Variants in HSD17B12 observed in about 807,000 individuals in gnomAD.
HSD17B12 encodes very-long-chain 3-oxoacyl-CoA reductase.
In HSD17B12, 32 loss-of-function variants were observed where a neutral mutation model predicts 39.3. That is an observed-to-expected ratio of 0.81 (90% CI 0.61 to 1.09). The LOEUF (loss-of-function observed/expected upper bound fraction) is 1.09, where lower values mean the gene tolerates loss of function less well. Ranked by LOEUF, HSD17B12 falls within the 50% of genes least tolerant of loss-of-function variation. The pLI, the probability that HSD17B12 is intolerant of heterozygous loss-of-function variation, is 0.00. For missense variants in HSD17B12, 342 were observed against 382.9 expected (o/e 0.89, Z 0.89); for synonymous variants, 150 against 146.7 (o/e 1.02, Z -0.16).
chr11:43,810,400 TATAA>T (rs1372949344), intron 4 of HSD17B12, among the ~76,000 whole-genome samples: 1,402 of 76,630 alleles, frequency 0.018, 12 homozygotes, highest in Middle Eastern at 0.06. Flanking sequence ...TATATATATA[TATAA>T]AATTCAGAAT....
the HSD17B12 span, among the ~76,000 whole-genome samples, chr11:43,667,255 G>A: frequency 2.6e-5 from 4 of 152,102 alleles, no homozygotes; most frequent in Admixed American, 6.6e-5. Context: ...AGGTTCAAGC[G>A]ATTCTCCTGC....
the HSD17B12 span, among the ~76,000 whole-genome samples, chr11:43,582,980 C>T: frequency 6.6e-6 from 1 of 152,206 alleles, no homozygotes; most frequent in Non-Finnish European, 1.5e-5. Context: ...CTGGGGCCGT[C>T]TGTGGAGCGA....
chr11:43,731,184 A>T (rs1311390352), intron 1 of HSD17B12, among the ~76,000 whole-genome samples: 1 of 152,080 alleles, frequency 6.6e-6, no homozygotes, highest in Non-Finnish European at 1.5e-5. Flanking sequence ...TTTAGTTGAG[A>T]CGGGGTTTCA....
At chr11:43,741,786 T>A (rs1950367168) in intron 1 of HSD17B12, among the ~76,000 whole-genome samples, 1 of 148,322 alleles carries the variant, frequency 6.7e-6, no homozygotes, top group African/African-American at 2.5e-5. Flanking sequence ...CAGGCTGGAA[T>A]GCAGTGGCGC....
intron 1 of HSD17B12, among the ~76,000 whole-genome samples, chr11:43,699,857 C>A (rs1357413906): frequency 1.3e-5 from 2 of 152,116 alleles, no homozygotes; most frequent in Non-Finnish European, 2.9e-5. Context: ...GACAAACAGG[C>A]ATATGAAAAA....
At chr11:43,599,036 A>G in the HSD17B12 span, among the ~76,000 whole-genome samples, 1 of 152,244 alleles carries the variant, frequency 6.6e-6, no homozygotes, top group African/African-American at 2.4e-5. Flanking sequence ...GGAGTTAAAT[A>G]GAATCTGTCT....
At chr11:43,735,474 G>A (rs1358295771) in intron 1 of HSD17B12, among the ~76,000 whole-genome samples, 1 of 152,156 alleles carries the variant, frequency 6.6e-6, no homozygotes, top group Admixed American at 6.5e-5. Flanking sequence ...GTGTGTCACT[G>A]TAGTTTTGAT....
chr11:43,719,057 A>G, intron 1 of HSD17B12: 1 of 807,356 alleles, frequency 1.2e-6, no homozygotes. Flanking sequence ...CAACACCCTG[A>G]TTCAGCCTGA....
At chr11:43,606,470 T>C in the HSD17B12 span, among the ~76,000 whole-genome samples, 4 of 152,362 alleles carry the variant, frequency 2.6e-5, no homozygotes, top group Admixed American at 2.0e-4. Context: ...ACAATCATCC[T>C]ACCTGTCTAT....
At chr11:43,619,230 T>TATG in the HSD17B12 span, among the ~76,000 whole-genome samples, 2 of 18,922 alleles carry the variant, frequency 1.1e-4, no homozygotes, top group East Asian at 1.8e-3. Flanking sequence ...ATATATATGA[T>TATG]ATATATATAT....
chr11:43,682,019 G>A (rs767386306), intron 1 of HSD17B12, among the ~76,000 whole-genome samples: 1 of 152,066 alleles, frequency 6.6e-6, no homozygotes, highest in Non-Finnish European at 1.5e-5. Context: ...GAATTTTGGG[G>A]TGGTTAGGCA....
At chr11:43,806,513 A>T (rs1345447208) in intron 4 of HSD17B12, 1 of 152,222 alleles carries the variant, frequency 6.6e-6, no homozygotes, top group Non-Finnish European at 1.5e-5. Context: ...GCCATTAAAA[A>T]AAAAACCTGG....
chr11:43,805,214 G>C (rs1434260909), intron 4 of HSD17B12, among the ~76,000 whole-genome samples: 1 of 152,162 alleles, frequency 6.6e-6, no homozygotes, highest in East Asian at 1.9e-4. Flanking sequence ...TGTTCTCAAT[G>C]TTATAAATAG....
Position 43,798,292 on chromosome 11 carries a change from T to A in HSD17B12, c.284-28T>A, listed in dbSNP as rs1950932604. 5.1e-6 allele frequency: 7 copies of A among 1,364,240 alleles called. No individual in the cohort carries two copies. In the African/African-American group the frequency reaches 7.2e-5, roughly 14 times the overall value. The allele number at this position is 1,364,240 out of a possible 1,614,324, so 84.5% of individuals were successfully genotyped here. On this transcript the variant is annotated intron_variant, in intron 3 of 10. Transcript: ENST00000278353. ...GCCATGTACTAATTTTCCCTGTCTC[T>A]CCCCGTTTGTGTTTTCTTTTTCCCT... is the stretch of plus-strand genomic sequence containing the variant.
the HSD17B12 span, among the ~76,000 whole-genome samples, chr11:43,662,377 TTGTGTGTG>T: frequency 5.2e-4 from 67 of 128,522 alleles, no homozygotes; most frequent in East Asian, 1.2e-3. Flanking sequence ...TTTATTTTAT[TTGTGTGTG>T]TGTGTGTGTG....
the HSD17B12 span, among the ~76,000 whole-genome samples, chr11:43,653,183 G>T: frequency 6.6e-6 from 1 of 152,104 alleles, no homozygotes; most frequent in African/African-American, 2.4e-5. Flanking sequence ...TATAACAAAA[G>T]ACTATAACAA....
rs558560591 is a variant in HSD17B12, at chr11:43,809,625, C to T, written c.392-5812C>T. On this transcript the variant is annotated intron_variant, in intron 4 of 10. Coordinates refer to ENST00000278353, the MANE Select transcript of HSD17B12 (RefSeq NM_016142.3). ...CCTGAGGTCAGGAGTTCAAGACCAG[C>T]CTGACCAACATGGAGAAACCCCGTC... Among the ~76,000 whole-genome samples, 41 of 152,234 alleles carry T rather than the reference C, an allele frequency of 2.7e-4. No homozygotes were observed. In the East Asian group the frequency reaches 2.7e-3, roughly 10 times the overall value.
chr11:43,839,778 C>G (rs1385917815), intron 8 of HSD17B12, among the ~76,000 whole-genome samples: 3 of 152,012 alleles, frequency 2.0e-5, no homozygotes, highest in Non-Finnish European at 4.4e-5. Flanking sequence ...AAAATTTGAT[C>G]TGGATATTAT....
chr11:43,652,971 C>G, the HSD17B12 span, among the ~76,000 whole-genome samples: 1 of 151,896 alleles, frequency 6.6e-6, no homozygotes, highest in Non-Finnish European at 1.5e-5. Context: ...TTCTTGGGCT[C>G]TCTGGCAGCA....
Sources: allele counts gnomAD v4.1 joint callset (sites outside exome capture counted in the v4.1 genomes callset), GRCh38; gene constraint gnomAD v4.1.1; transcripts MANE v1.5; gene names NCBI Gene and HGNC (gene_info 2026-07-23, HGNC 2026-07-21).